The following XIRP2 variants were observed in gnomAD, a reference collection of about 807,000 sequenced individuals.
XIRP2 encodes xin actin binding repeat containing 2, also known as xin actin-binding repeat-containing protein 2.
In XIRP2, 236 loss-of-function variants were observed where a neutral mutation model predicts 277.0. The ratio of observed to expected loss-of-function variants is 0.85; its 90% CI spans 0.77 to 0.95. The LOEUF is 0.95. XIRP2 is among the 40% of genes least tolerant of loss of function. XIRP2 has a pLI of 0.00. For missense variants in XIRP2, 4,640 were observed against 4,157.5 expected, an observed-to-expected ratio of 1.12 and a Z score of -3.19; for synonymous variants, 1,490 against 1,416.5, an observed-to-expected ratio of 1.05 and a Z score of -1.17.
intron 2 of XIRP2, among the ~76,000 whole-genome samples, chr2:167,135,425 G>A: frequency 6.6e-6 from 1 of 152,140 alleles, no homozygotes; most frequent in African/African-American, 2.4e-5. Context: ...TGTATTCAAT[G>A]TATGCTGGCT....
intron 5 of XIRP2, among the ~76,000 whole-genome samples, chr2:167,239,293 G>C (rs1408429127): frequency 2.0e-5 from 3 of 152,134 alleles, no homozygotes; most frequent in Non-Finnish European, 4.4e-5. Context: ...ATGGTCTCCA[G>C]ATATAACTAT....
At chr2:167,176,607 C>T (rs1348019518) in intron 3 of XIRP2, among the ~76,000 whole-genome samples, 2 of 152,144 alleles carry the variant, frequency 1.3e-5, no homozygotes, top group African/African-American at 4.8e-5. Flanking sequence ...GAGTACTGGA[C>T]ATCTTGTGTA....
chr2:167,010,495 A>G (rs1687644870), intron 2 of XIRP2, among the ~76,000 whole-genome samples: 1 of 152,056 alleles, frequency 6.6e-6, no homozygotes, highest in South Asian at 2.1e-4. Flanking sequence ...GTTTGAAGTC[A>G]GGTAGCGTGA....
intron 2 of XIRP2, among the ~76,000 whole-genome samples, chr2:167,023,436 C>T (rs927858562): frequency 6.6e-6 from 1 of 151,796 alleles, no homozygotes; most frequent in African/African-American, 2.4e-5. Flanking sequence ...GTTTCTTTTG[C>T]TGTGCAGAAG....
intron 2 of XIRP2, among the ~76,000 whole-genome samples, chr2:166,910,534 T>A (rs1684671763): frequency 6.6e-6 from 1 of 152,190 alleles, no homozygotes; most frequent in Non-Finnish European, 1.5e-5. Context: ...TGATGGTCTA[T>A]CAATTTTGTC....
chr2:166,964,722 T>A (rs955931741), intron 2 of XIRP2, among the ~76,000 whole-genome samples: 1 of 151,908 alleles, frequency 6.6e-6, no homozygotes, highest in Non-Finnish European at 1.5e-5. Context: ...AAATTTAGCC[T>A]CCATATACAT....
chr2:167,158,678 T>G (rs1692274982), intron 3 of XIRP2, among the ~76,000 whole-genome samples: 2 of 152,214 alleles, frequency 1.3e-5, no homozygotes, highest in Non-Finnish European at 2.9e-5. Context: ...ATGAAATTAT[T>G]GAAACTTGTA....
intron 2 of XIRP2, among the ~76,000 whole-genome samples, chr2:167,091,487 A>C (rs1690145676): frequency 2.0e-5 from 3 of 152,128 alleles, no homozygotes; most frequent in African/African-American, 4.8e-5. Flanking sequence ...TAAATACTTA[A>C]TTATAGGGAC....
chr2:167,205,336 A>G (rs1693825184), intron 3 of XIRP2, among the ~76,000 whole-genome samples: 1 of 152,226 alleles, frequency 6.6e-6, no homozygotes. Context: ...TATCAATTAT[A>G]TGATTACTTA....
intron 2 of XIRP2, among the ~76,000 whole-genome samples, chr2:167,089,754 G>A (rs1690086674): frequency 6.6e-6 from 1 of 152,124 alleles, no homozygotes; most frequent in Non-Finnish European, 1.5e-5. Flanking sequence ...ACCAGTCAGA[G>A]TTAGCCCACA....
At chr2:167,137,451 T>A (rs1308467914) in intron 3 of XIRP2, among the ~76,000 whole-genome samples, 3 of 152,150 alleles carry the variant, frequency 2.0e-5, no homozygotes, top group Non-Finnish European at 4.4e-5. Flanking sequence ...AAGGAATGAT[T>A]TATATTCTGA....
intron 1 of XIRP2, among the ~76,000 whole-genome samples, chr2:166,898,593 T>C (rs1311515427): frequency 6.6e-6 from 1 of 152,164 alleles, no homozygotes; most frequent in African/African-American, 2.4e-5. Flanking sequence ...AGTAATTCCA[T>C]CTTACATAAC....
intron 2 of XIRP2, among the ~76,000 whole-genome samples, chr2:167,066,897 A>G (rs559144318): frequency 1.3e-5 from 2 of 152,110 alleles, no homozygotes; most frequent in African/African-American, 4.8e-5. Flanking sequence ...ATTGTTTATG[A>G]TAAGAAATCT....
chr2:167,026,348 TC>T (rs1243832674), intron 2 of XIRP2, among the ~76,000 whole-genome samples: 4 of 152,168 alleles, frequency 2.6e-5, no homozygotes, highest in African/African-American at 7.2e-5. Flanking sequence ...CCTATGTGTG[TC>T]TCTGCACGTG....
chr2:166,905,221 G>T (rs147621007), intron 2 of XIRP2, among the ~76,000 whole-genome samples: 150 of 151,948 alleles, frequency 9.9e-4, no homozygotes, highest in African/African-American at 3.4e-3. Flanking sequence ...TTTTATCTTT[G>T]TAAATTAAGA....
intron 2 of XIRP2, among the ~76,000 whole-genome samples, chr2:167,095,314 T>C (rs1690270034): frequency 6.6e-6 from 1 of 152,172 alleles, no homozygotes. Flanking sequence ...TTTCTTTCTC[T>C]TACCTGATTG....
chr2:167,233,299 C>T (rs1694810832), intron 5 of XIRP2, among the ~76,000 whole-genome samples: 1 of 151,876 alleles, frequency 6.6e-6, no homozygotes, highest in Admixed American at 6.6e-5. Flanking sequence ...AATTTTATGT[C>T]ATGTTAAAGA....
rs1267708829 is a variant in XIRP2 at position 167,259,286 on chromosome 2, A to C, written c.*1469A>C. 1 of 1,613,226 alleles carries C rather than the reference A, an allele frequency of 6.2e-7. No homozygotes were observed. Among genetic ancestry groups the C allele is most frequent in the Non-Finnish European group, 8.5e-7 (1 of 1,179,596 alleles). Reference sequence around the variant, plus strand: ...ATGTACAGCTAAGCCTTTGTTTCCCAGAGTGGAGGTGCAGTCAGAACAACT... The same window carrying C: ...ATGTACAGCTAAGCCTTTGTTTCCCCGAGTGGAGGTGCAGTCAGAACAACT... On this transcript the variant is annotated 3_prime_UTR_variant, in exon 11 of 11. Coordinates refer to ENST00000409195, the MANE Select transcript of XIRP2 (RefSeq NM_152381.6).
chr2:167,154,826 C>T (rs921532389), intron 3 of XIRP2, among the ~76,000 whole-genome samples: 4 of 151,480 alleles, frequency 2.6e-5, no homozygotes, highest in African/African-American at 9.7e-5. Context: ...TTGAAAGGAT[C>T]AACAAAATTG....
Sources: allele counts gnomAD v4.1 joint callset (sites outside exome capture counted in the v4.1 genomes callset), GRCh38; gene constraint gnomAD v4.1.1; transcripts MANE v1.5; gene names NCBI Gene and HGNC (gene_info 2026-07-23, HGNC 2026-07-21).